Variants in FGGY observed in about 807,000 individuals in gnomAD.
FGGY encodes the protein FGGY carbohydrate kinase domain containing, also known as FGGY carbohydrate kinase domain-containing protein.
A neutral mutation model predicts 71.3 loss-of-function variants in FGGY; 72 were observed. That is an observed-to-expected ratio of 1.01 (90% CI 0.84 to 1.23). The LOEUF (loss-of-function observed/expected upper bound fraction) is 1.23. FGGY is among the 50% of genes most tolerant of loss of function. FGGY has a pLI of 0.00. For synonymous variants in FGGY, 251 were observed against 250.3 expected (o/e 1.00, Z -0.02); for missense variants, 668 against 682.3 (o/e 0.98, Z 0.23).
At chr1:59,615,117 G>A (rs528364840) in intron 9 of FGGY, among the ~76,000 whole-genome samples, 1,558 of 152,134 alleles carry the variant, frequency 0.01, 25 homozygotes, top group African/African-American at 0.035. Context: ...TCAAGCTACT[G>A]ATGACTTTCT....
chr1:59,468,373 T>C (rs1343092755), intron 6 of FGGY, among the ~76,000 whole-genome samples: 1 of 152,156 alleles, frequency 6.6e-6, no homozygotes, highest in East Asian at 1.9e-4. Flanking sequence ...CTATGTTGAG[T>C]GATAGTGCAA....
chr1:59,573,882 A>C (rs2096032102), intron 8 of FGGY, among the ~76,000 whole-genome samples: 1 of 152,226 alleles, frequency 6.6e-6, no homozygotes, highest in Non-Finnish European at 1.5e-5. Context: ...AGAGTTAAAA[A>C]TTTAACACTC....
At position 59,738,044 on chromosome 1, in the gene FGGY, C is replaced by T. The variant is rs140555943; in HGVS notation, c.1513-19887C>T. On this transcript the variant is annotated intron_variant, in intron 14 of 15. Transcript: ENST00000303721. ...AAAGAAGAGTCTAGAGCCCAGGTCT[C>T]CTGAGTCCTCAGAATCAACCAAGTC... Among the ~76,000 whole-genome samples, 649 of 152,288 alleles carry T rather than the reference C, an allele frequency of 4.3e-3. 3 individuals are homozygous for T. The highest frequency in any genetic ancestry group is 6.7e-3 in the Non-Finnish European group (454 of 68,016).
In FGGY at chr1:59,469,813, T is replaced by A. The variant is rs76996184; in HGVS notation, c.670+12737T>A. 6.1e-3 allele frequency among the ~76,000 whole-genome samples: 922 copies of A among 152,294 alleles called. 10 individuals are homozygous for A. Among genetic ancestry groups the A allele is most frequent in the African/African-American group, 0.021 (892 of 41,558 alleles). ...CCCTCATTGTGTCCGTGTGTTCTCA[T>A]TCTTTAGTTCCCACTTAAAAGTGAG... On this transcript the variant is annotated intron_variant, in intron 6 of 15. Transcript: ENST00000303721.
At chr1:59,334,414 G>T (rs2049073363) in intron 2 of FGGY, among the ~76,000 whole-genome samples, 1 of 152,148 alleles carries the variant, frequency 6.6e-6, no homozygotes, top group Non-Finnish European at 1.5e-5. Context: ...AAAGTGTTGG[G>T]ATTACAGGCG....
rs975720563 is a variant in FGGY, at chr1:59,486,282, G to T, written c.671-26029G>T. On this transcript the variant is annotated intron_variant, in intron 6 of 15. Coordinates refer to ENST00000303721, the MANE Select transcript of FGGY (RefSeq NM_018291.5). ...AGAACCACAATGTCACTACATCCAG[G>T]AGGGTTCTTGGTGCTTGATATGTGG... Among the ~76,000 whole-genome samples, 5 of 152,190 alleles carry T rather than the reference G, an allele frequency of 3.3e-5. No homozygotes were observed. In the East Asian group the frequency reaches 9.6e-4, roughly 29 times the overall value.
intron 14 of FGGY, among the ~76,000 whole-genome samples, chr1:59,728,385 TACTC>T (rs1244114994): frequency 2.0e-5 from 3 of 152,080 alleles, no homozygotes; most frequent in Non-Finnish European, 2.9e-5. Context: ...TTGCTATAAT[TACTC>T]AATATATTGT....
chr1:59,458,703 C>T lies in FGGY; in HGVS notation c.670+1627C>T, dbSNP rs553844850. ...AGTTAATGGATTTTTAATGGATTTC[C>T]TAAGGAGACATATCATTAAGCAGAA... is the stretch of plus-strand genomic sequence containing the variant. On this transcript the variant is annotated intron_variant, in intron 6 of 15. Coordinates refer to ENST00000303721, the MANE Select transcript of FGGY (RefSeq NM_018291.5). Among the ~76,000 whole-genome samples, 65 of 152,134 alleles carry T rather than the reference C, an allele frequency of 4.3e-4. 1 individual carries two copies. Among genetic ancestry groups the T allele is most frequent in the African/African-American group, 1.5e-3 (64 of 41,506 alleles).
At chr1:59,400,473 A>G (rs2061812117) in intron 5 of FGGY, among the ~76,000 whole-genome samples, 1 of 152,076 alleles carries the variant, frequency 6.6e-6, no homozygotes, top group Admixed American at 6.5e-5. Flanking sequence ...GCATACTTTA[A>G]AATTTGTAAT....
In FGGY at chr1:59,310,464, T is replaced by C. The variant is rs751589737; in HGVS notation, c.-14-11072T>C. On this transcript the variant is annotated intron_variant, in intron 1 of 15. Transcript: ENST00000303721. The stretch of plus-strand genomic sequence containing the variant: ...ACAAATCATTAAATTTGCATATCTT[T>C]TCCCCATTATGGGCCTAGTTTTGTA... Among the ~76,000 whole-genome samples the C allele has an allele frequency of 2.2e-4, 33 of 152,304 alleles. 1 individual carries two copies. The highest frequency in any genetic ancestry group is 3.4e-3 in the Middle Eastern group (1 of 294).
chr1:59,534,928 G>A (rs1406159056), intron 7 of FGGY, among the ~76,000 whole-genome samples: 2 of 151,166 alleles, frequency 1.3e-5, no homozygotes, highest in Non-Finnish European at 3.0e-5. Context: ...ATCAACTAAC[G>A]AGCAAAATCA....
At chr1:59,502,761 A>AC (rs1217519774) in intron 6 of FGGY, among the ~76,000 whole-genome samples, 1 of 152,070 alleles carries the variant, frequency 6.6e-6, no homozygotes, top group South Asian at 2.1e-4. Context: ...CAGGGAAGCC[A>AC]CCTCCTTCTC....
chr1:59,472,689 G>C (rs1036757802), intron 6 of FGGY, among the ~76,000 whole-genome samples: 1 of 151,068 alleles, frequency 6.6e-6, no homozygotes, highest in Non-Finnish European at 1.5e-5. Flanking sequence ...GAATGCACCA[G>C]TCCACACTCT....
intron 14 of FGGY, among the ~76,000 whole-genome samples, chr1:59,737,916 G>A (rs1317542720): frequency 3.3e-5 from 5 of 152,284 alleles, no homozygotes; most frequent in East Asian, 1.9e-4. Context: ...CCTCCATGTC[G>A]TGGGAGGGAC....
intron 11 of FGGY, chr1:59,641,133 T>C (rs1000678942): frequency 1.7e-6 from 1 of 605,334 alleles, no homozygotes; most frequent in Non-Finnish European, 2.9e-6. Context: ...AAGGGAATCA[T>C]AGTATGTGCA....
chr1:59,587,605 G>A (rs983016580), intron 8 of FGGY, among the ~76,000 whole-genome samples: 1 of 152,180 alleles, frequency 6.6e-6, no homozygotes, highest in African/African-American at 2.4e-5. Flanking sequence ...AAAACTTCCA[G>A]AGGAACGATC....
At position 59,761,627 on chromosome 1, in the gene FGGY, C is replaced by A. The variant is rs1336457618; in HGVS notation, c.1575-876C>A. Among the ~76,000 whole-genome samples the A allele has an allele frequency of 3.3e-5, 5 of 152,336 alleles. No homozygotes were observed. In the South Asian group the frequency reaches 1.0e-3, roughly 32 times the overall value. On this transcript the variant is annotated intron_variant, in intron 15 of 15. Coordinates refer to ENST00000303721, the MANE Select transcript of FGGY (RefSeq NM_018291.5). ...TGATGCCAGAGCAGCTTCAGCTGTT[C>A]TGCTGTCTGATTCATGGCCAATACC...
At chr1:59,723,535 G>C (rs1394637417) in intron 14 of FGGY, among the ~76,000 whole-genome samples, 1 of 116,040 alleles carries the variant, frequency 8.6e-6, no homozygotes, top group African/African-American at 3.4e-5. Flanking sequence ...CTTATATACA[G>C]TTTTCTTGGC....
chr1:59,448,202 G>A (rs1170269738), intron 5 of FGGY, among the ~76,000 whole-genome samples: 1 of 152,152 alleles, frequency 6.6e-6, no homozygotes, highest in Non-Finnish European at 1.5e-5. Flanking sequence ...CTCATTGTGG[G>A]TTTTTGCCTC....
Sources: gnomAD v4.1 joint callset for allele counts (sites outside exome capture counted in the v4.1 genomes callset) on GRCh38, gnomAD v4.1.1 for gene constraint, MANE v1.5 for transcripts, NCBI Gene and HGNC (gene_info 2026-07-23, HGNC 2026-07-21) for gene names.